Variants in EYA1 observed in about 807,000 individuals in gnomAD.
The protein encoded by EYA1 is protein phosphatase EYA1.
Under a neutral mutation model 82.0 loss-of-function variants are expected in EYA1, and 16 were observed. The ratio of observed to expected loss-of-function variants is 0.20; its 90% CI spans 0.13 to 0.30. The LOEUF is 0.30. Among genes scored for constraint, EYA1 ranks in the 10% least tolerant of loss-of-function variants. EYA1 has a pLI of 1.00. For missense variants in EYA1, 633 were observed against 730.7 expected (o/e 0.87, Z 1.54); for synonymous variants, 261 against 264.4 (o/e 0.99, Z 0.12).
At chr8:71,378,087 T>C (rs115711316) in intron 2 of EYA1, among the ~76,000 whole-genome samples, 1 of 152,198 alleles carries the variant, frequency 6.6e-6, no homozygotes, top group African/African-American at 2.4e-5. Flanking sequence ...ACCACAGAGA[T>C]GCAAGTGGTA....
chr8:71,293,266 A>T (rs1303718068), intron 9 of EYA1, among the ~76,000 whole-genome samples: 1 of 152,176 alleles, frequency 6.6e-6, no homozygotes, highest in Admixed American at 6.5e-5. Context: ...ATAGGTCTGT[A>T]CCTATTAAAG....
rs990035046 is a variant in EYA1, at chr8:71,245,232, A to AT, written c.1051-541dup. Among the ~76,000 whole-genome samples the AT allele has an allele frequency of 3.4e-3, 506 of 146,910 alleles. 2 individuals are homozygous for AT. The highest frequency in any genetic ancestry group is 8.9e-3 in the African/African-American group (360 of 40,332). On this transcript the variant is annotated intron_variant, in intron 11 of 17. Coordinates refer to ENST00000340726, the MANE Select transcript of EYA1 (RefSeq NM_000503.6). The stretch of plus-strand genomic sequence containing the variant: ...TTATAACACTATGTTTTAAGTGATG[A>AT]TTTTTTTTTTTTGAGACAGAGTCTC...
intron 2 of EYA1, among the ~76,000 whole-genome samples, chr8:71,412,165 T>A (rs1213553290): frequency 8.4e-6 from 1 of 119,460 alleles, no homozygotes; most frequent in East Asian, 2.5e-4. Context: ...CACTCATAGG[T>A]GGGAATTGAA....
chr8:71,299,746 AT>A, intron 7 of EYA1, 26 bp from the exon 8 acceptor site: 1 of 1,173,194 alleles, frequency 8.5e-7, no homozygotes, highest in Non-Finnish European at 1.3e-6. Flanking sequence ...AAGAAATACG[AT>A]TATACCAGGC....
At chr8:71,465,181 C>G (rs1808685233) in intron 2 of EYA1, among the ~76,000 whole-genome samples, 1 of 152,160 alleles carries the variant, frequency 6.6e-6, no homozygotes. Context: ...TGATGTTACT[C>G]TTAAGACTCT....
intron 2 of EYA1, among the ~76,000 whole-genome samples, chr8:71,394,696 C>T (rs1237582667): frequency 2.0e-5 from 3 of 152,036 alleles, no homozygotes; most frequent in Non-Finnish European, 2.9e-5. Context: ...TTACTGTAGC[C>T]TTGTAGTATA....
chr8:71,230,851 A>G (rs1811111956), intron 12 of EYA1, among the ~76,000 whole-genome samples: 1 of 152,206 alleles, frequency 6.6e-6, no homozygotes, highest in Admixed American at 6.5e-5. Context: ...AAACTAAGAC[A>G]TAACTCTTCT....
Position 71,425,282 on chromosome 8 carries a change from C to T in EYA1, c.34-68771G>A, listed in dbSNP as rs181676902. 7.0e-4 allele frequency among the ~76,000 whole-genome samples: 76 copies of T among 107,882 alleles called. No homozygotes were observed. In the East Asian group the frequency reaches 0.012, roughly 17 times the overall value. 70.8% of individuals were successfully genotyped at this position (107,882 alleles called of 152,430 possible). Reference sequence around the variant, plus strand: ...CAGCCTGGGTGACAGAGGGAGACTCCGTCTCAAAGAAAAAAAAAAGAAAAT... The same window carrying T: ...CAGCCTGGGTGACAGAGGGAGACTCTGTCTCAAAGAAAAAAAAAAGAAAAT... On this transcript the variant is annotated intron_variant, in intron 2 of 18. Coordinates refer to the EYA1 transcript ENST00000643681.
At chr8:71,208,466 T>C (rs1405478360) in intron 17 of EYA1, among the ~76,000 whole-genome samples, 1 of 152,120 alleles carries the variant, frequency 6.6e-6, no homozygotes, top group African/African-American at 2.4e-5. Flanking sequence ...TCAGCCTATT[T>C]CCAGTATAAA....
At chr8:71,252,644 C>G (rs1278114827) in intron 11 of EYA1, among the ~76,000 whole-genome samples, 1 of 152,104 alleles carries the variant, frequency 6.6e-6, no homozygotes, top group African/African-American at 2.4e-5. Flanking sequence ...CTTTTATCAC[C>G]AGGAAAGATG....
At chr8:71,395,507 G>C (rs569144772) in intron 2 of EYA1, among the ~76,000 whole-genome samples, 23 of 152,242 alleles carry the variant, frequency 1.5e-4, no homozygotes, top group African/African-American at 5.5e-4. Flanking sequence ...ATGAAGGGTT[G>C]TTGAATTTTG....
chr8:71,214,100 A>C (rs1415948245), intron 16 of EYA1, among the ~76,000 whole-genome samples: 1 of 152,220 alleles, frequency 6.6e-6, no homozygotes, highest in African/African-American at 2.4e-5. Context: ...AACGGAAGTT[A>C]GACCTACAGG....
chr8:71,299,770 G>A, intron 7 of EYA1, 50 bp from the exon 8 acceptor site: 2 of 964,178 alleles, frequency 2.1e-6, no homozygotes, highest in Non-Finnish European at 3.4e-6. Context: ...GTGGAATAAT[G>A]TGGGTACAGG....
chr8:71,299,561 C>T (rs1819969303), intron 8 of EYA1, 77 bp downstream of exon 8: 1 of 896,464 alleles, frequency 1.1e-6, no homozygotes, highest in South Asian at 1.3e-5. Context: ...CACTTATAAA[C>T]AGATCTTTCT....
upstream of EYA1, chr8:71,362,321 G>A: frequency 1.9e-6 from 1 of 516,002 alleles, no homozygotes; most frequent in Non-Finnish European, 2.5e-6. Context: ...CGCGCCCCAC[G>A]CTATCTGAAT....
intron 17 of EYA1, among the ~76,000 whole-genome samples, chr8:71,206,776 G>A (rs1807829738): frequency 6.6e-6 from 1 of 151,678 alleles, no homozygotes; most frequent in South Asian, 2.1e-4. Flanking sequence ...TTTTCTTTGG[G>A]ACAGGATCTC....
chr8:71,218,221 A>G (rs944804118), intron 12 of EYA1, among the ~76,000 whole-genome samples: 2 of 152,202 alleles, frequency 1.3e-5, no homozygotes, highest in Non-Finnish European at 2.9e-5. Context: ...CATGTTTCAG[A>G]TAGAGTTAAT....
At chr8:71,288,173 C>T (rs1459221292) in intron 9 of EYA1, among the ~76,000 whole-genome samples, 5 of 152,140 alleles carry the variant, frequency 3.3e-5, no homozygotes, top group Non-Finnish European at 7.4e-5. Flanking sequence ...CCAGGTATGA[C>T]TGGGAAACAT....
At position 71,356,519 on chromosome 8, in the gene EYA1, CA is replaced by C. The variant is rs748235102; in HGVS notation, c.-54-9del. On this transcript the variant is annotated splice_polypyrimidine_tract_variant and intron_variant, in intron 1 of 17. Coordinates refer to ENST00000340726, the MANE Select transcript of EYA1 (RefSeq NM_000503.6). ...GGCTTGAGATGTTTGCACCTGTGAT[CA>C]GGGGTAAAAAAATTAGAAGATGTTG... 30 of 1,567,218 alleles carry C rather than the reference CA, an allele frequency of 1.9e-5. No homozygotes were observed. Among genetic ancestry groups the C allele is most frequent in the Middle Eastern group, 1.7e-4 (1 of 6,024 alleles).
Sources: allele counts gnomAD v4.1 joint callset (sites outside exome capture counted in the v4.1 genomes callset), GRCh38; gene constraint gnomAD v4.1.1; transcripts MANE v1.5; gene names NCBI Gene and HGNC (gene_info 2026-07-23, HGNC 2026-07-21).